RBPJ: variants seen among roughly 807,000 people sequenced by gnomAD.
The protein encoded by RBPJ is recombining binding protein suppressor of hairless.
In RBPJ, 9 loss-of-function variants were observed where a neutral mutation model predicts 67.8. The ratio of observed to expected loss-of-function variants is 0.13; its 90% CI spans 0.08 to 0.23. The LOEUF (loss-of-function observed/expected upper bound fraction) is 0.23. Among genes scored for constraint, RBPJ ranks in the 10% least tolerant of loss-of-function variants. The pLI, the probability that RBPJ is intolerant of heterozygous loss-of-function variation, is 1.00. For synonymous variants in RBPJ, 198 were observed against 203.3 expected (o/e 0.97, Z 0.22); for missense variants, 305 against 595.6 (o/e 0.51, Z 5.08).
At chr4:26,313,424 T>C (rs1722500689) in intron 1 of RBPJ, among the ~76,000 whole-genome samples, 4 of 151,984 alleles carry the variant, frequency 2.6e-5, no homozygotes, top group Admixed American at 2.6e-4. Context: ...TCCCAGCACT[T>C]TGGGAGACTG....
chr4:26,424,751 T>TCTA lies in RBPJ; in HGVS notation c.747+11_747+13dup. ...ATGGCACTCCCAAGATTGGTATGGCTCTACTTTTGCTTTAGTGATAATGTG... is the reference window on the plus strand; with the variant it reads ...ATGGCACTCCCAAGATTGGTATGGCTCTACTACTTTTGCTTTAGTGATAATGTG... On this transcript the variant is annotated intron_variant, in intron 7 of 10. Transcript: ENST00000355476. This position sits in a 1 kb window ranked among gnomAD's most constrained non-coding sequence, Gnocchi z 5.3. 2 of 1,520,634 alleles carry TCTA rather than the reference T, an allele frequency of 1.3e-6. No individual in the cohort carries two copies. The highest frequency in any genetic ancestry group is 1.8e-6 in the Non-Finnish European group (2 of 1,104,700). 94.2% of individuals were successfully genotyped at this position (1,520,634 alleles called of 1,614,324 possible). A position where few individuals can be genotyped will look rare whatever the true frequency, so the allele number is the denominator to read the frequency against.
At chr4:26,268,288 T>C (rs1475987690) in intron 1 of RBPJ, among the ~76,000 whole-genome samples, 1 of 152,192 alleles carries the variant, frequency 6.6e-6, no homozygotes, top group Non-Finnish European at 1.5e-5. Flanking sequence ...AAAAACCAAG[T>C]GTCCTCTTTT....
chr4:26,400,747 T>C (rs547551330), intron 2 of RBPJ, among the ~76,000 whole-genome samples: 2 of 152,346 alleles, frequency 1.3e-5, no homozygotes, highest in South Asian at 2.1e-4. Context: ...CAGGAATTTG[T>C]ATTCTAAACA....
At chr4:26,107,506 G>T in the RBPJ span, among the ~76,000 whole-genome samples, 1 of 152,202 alleles carries the variant, frequency 6.6e-6, no homozygotes, top group Non-Finnish European at 1.5e-5. Flanking sequence ...CAAGGGTTGG[G>T]AAACAGCGGA....
At chr4:26,426,623 GA>G (rs1383153175) in intron 7 of RBPJ, among the ~76,000 whole-genome samples, 2 of 152,146 alleles carry the variant, frequency 1.3e-5, no homozygotes, top group Admixed American at 6.5e-5. Flanking sequence ...ATGTAGTGAT[GA>G]AAAAACAAAA....
chr4:26,428,894 G>T (rs746096310), intron 8 of RBPJ, 34 bp downstream of exon 8: 10 of 1,544,874 alleles, frequency 6.5e-6, no homozygotes, highest in Non-Finnish European at 8.9e-6. Context: ...AATCTAAAAT[G>T]TACAAACTGT....
chr4:26,224,388 C>T (rs1016924360), intron 1 of RBPJ, among the ~76,000 whole-genome samples: 7 of 152,166 alleles, frequency 4.6e-5, no homozygotes, highest in Non-Finnish European at 2.9e-5. Context: ...CACCACCATG[C>T]CAAACTAATT....
intron 1 of RBPJ, among the ~76,000 whole-genome samples, chr4:26,374,382 T>G (rs1729492183): frequency 6.6e-6 from 1 of 152,156 alleles, no homozygotes; most frequent in African/African-American, 2.4e-5. Context: ...GTTGCCTCCC[T>G]CACTCACACT....
At chr4:26,415,930 G>C (rs1734542394) in intron 4 of RBPJ, among the ~76,000 whole-genome samples, 1 of 152,010 alleles carries the variant, frequency 6.6e-6, no homozygotes, top group Non-Finnish European at 1.5e-5. Context: ...AATTTAGGAG[G>C]CTGATTGCTC....
chr4:26,298,098 G>C (rs1383949149), intron 1 of RBPJ, among the ~76,000 whole-genome samples: 1 of 152,030 alleles, frequency 6.6e-6, no homozygotes, highest in Non-Finnish European at 1.5e-5. Flanking sequence ...ACCACCAACT[G>C]AATGCCGTAG....
At chr4:26,409,344 A>G (rs1733788957) in intron 3 of RBPJ, among the ~76,000 whole-genome samples, 1 of 152,106 alleles carries the variant, frequency 6.6e-6, no homozygotes, top group Admixed American at 6.5e-5. Flanking sequence ...AGGTGGGCGG[A>G]TCACCTGAGG....
intron 1 of RBPJ, among the ~76,000 whole-genome samples, chr4:26,216,230 A>C (rs1490959955): frequency 6.6e-6 from 1 of 152,118 alleles, no homozygotes; most frequent in African/African-American, 2.4e-5. Context: ...GATATCTTTA[A>C]GTTAATTACT....
chr4:26,198,219 A>G (rs1169768670), intron 1 of RBPJ, among the ~76,000 whole-genome samples: 1 of 151,950 alleles, frequency 6.6e-6, no homozygotes, highest in Non-Finnish European at 1.5e-5. Context: ...GCGCCATTGC[A>G]CTCCAGCTTG....
intron 2 of RBPJ, among the ~76,000 whole-genome samples, chr4:26,392,388 T>C (rs1731594677): frequency 6.6e-6 from 1 of 152,228 alleles, no homozygotes; most frequent in African/African-American, 2.4e-5. Context: ...GCTTTAGTTG[T>C]AGTAGTCACA....
At chr4:26,324,943 G>C (rs1240649602) in intron 1 of RBPJ, among the ~76,000 whole-genome samples, 1 of 152,134 alleles carries the variant, frequency 6.6e-6, no homozygotes, top group Non-Finnish European at 1.5e-5. Flanking sequence ...TTAGTGCTTT[G>C]TTATTTGCTC....
intron 1 of RBPJ, among the ~76,000 whole-genome samples, chr4:26,363,713 A>C (rs899744852): frequency 6.6e-6 from 1 of 152,230 alleles, no homozygotes; most frequent in African/African-American, 2.4e-5. Context: ...TGCTGGGATT[A>C]CAGGCATGAG....
At chr4:26,181,207 C>T (rs1343380163) in intron 1 of RBPJ, among the ~76,000 whole-genome samples, 2 of 152,210 alleles carry the variant, frequency 1.3e-5, no homozygotes, top group Non-Finnish European at 2.9e-5. Context: ...GCTCGGATTT[C>T]TCTTCTGACT....
intron 1 of RBPJ, among the ~76,000 whole-genome samples, chr4:26,337,791 ATCC>A (rs1289318686): frequency 1.3e-5 from 2 of 150,124 alleles, no homozygotes; most frequent in African/African-American, 2.5e-5. Flanking sequence ...GGCTCAGGCA[ATCC>A]TCCTCCCTCA....
chr4:26,215,262 A>AGGGG (rs1321708928), intron 1 of RBPJ, among the ~76,000 whole-genome samples: 1 of 76,606 alleles, frequency 1.3e-5, no homozygotes, highest in African/African-American at 8.1e-5. Context: ...AAAGAAAGGA[A>AGGGG]GGGAGGGAGG....
Sources: allele counts gnomAD v4.1 joint callset (sites outside exome capture counted in the v4.1 genomes callset), GRCh38; gene constraint gnomAD v4.1.1; non-coding constraint Gnocchi (gnomAD v3.1); transcripts MANE v1.5; gene names NCBI Gene and HGNC (gene_info 2026-07-23, HGNC 2026-07-21).